Variants in RBSN observed in about 807,000 individuals in gnomAD.
RBSN encodes the protein rabenosyn, RAB effector, also known as rabenosyn-5.
Under a neutral mutation model 60.5 loss-of-function variants are expected in RBSN, and 34 were observed. The ratio of observed to expected loss-of-function variants is 0.56; its 90% confidence interval spans 0.43 to 0.75. RBSN has a LOEUF of 0.75. Ranked by LOEUF, RBSN falls within the 30% of genes least tolerant of loss-of-function variation. RBSN has a pLI of 0.00. For missense variants in RBSN, 845 were observed against 986.8 expected (o/e 0.86, Z 1.92); for synonymous variants, 322 against 366.9 (o/e 0.88, Z 1.40).
chr3:15,082,717 T>C lies in RBSN; in HGVS notation c.599-109A>G. On this transcript the variant is annotated intron_variant, in intron 8 of 13. Coordinates refer to ENST00000253699, the MANE Select transcript of RBSN (RefSeq NM_022340.4). This position sits in a 1 kb window ranked among gnomAD's most constrained non-coding sequence, Gnocchi z 4.2. ...GTGTTTGATTTGGAGAGTAATAAGATCAGGCTCCAGCTGTGGGCACGTACT... is the reference window on the plus strand; with the variant it reads ...GTGTTTGATTTGGAGAGTAATAAGACCAGGCTCCAGCTGTGGGCACGTACT... The C allele has an allele frequency of 6.8e-7, 1 of 1,470,630 alleles. No individual in the cohort carries two copies. The highest frequency in any genetic ancestry group is 2.5e-5 in the East Asian group (1 of 40,216). 91.1% of individuals were successfully genotyped at this position (1,470,630 alleles called of 1,614,324 possible). A position where few individuals can be genotyped will look rare whatever the true frequency, so the allele number is the denominator to read the frequency against.
In RBSN at chr3:15,070,345, AGTATCCTTAGT is replaced by A. The variant is rs1360704860; in HGVS notation, c.*3426_*3436del. On this transcript the variant is annotated 3_prime_UTR_variant, in exon 14 of 14. Coordinates refer to ENST00000253699, the MANE Select transcript of RBSN (RefSeq NM_022340.4). ...TATTGAGCTGCAAGTACAATGAGTA[AGTATCCTTAGT>A]GTATTAGACAGGGTAAATACAAACA... The A allele has an allele frequency of 6.6e-6, 1 of 152,668 alleles. No homozygotes were observed. The highest frequency in any genetic ancestry group is 1.5e-5 in the Non-Finnish European group (1 of 68,044). 9.5% of individuals were successfully genotyped at this position (152,668 alleles called of 1,614,324 possible).
Position 15,074,954 on chromosome 3 carries a change from G to C in RBSN, c.1207-24C>G, listed in dbSNP as rs1176766385. The C allele has an allele frequency of 1.3e-6, 2 of 1,582,126 alleles. No homozygotes were observed. The highest frequency in any genetic ancestry group is 2.2e-5 in the East Asian group (1 of 44,666). ...GCCTGGGGAGAGAGCAAAGCAGAGA[G>C]AAGAAACAGTCACTATGCTGGCAGC... On this transcript the variant is annotated intron_variant, in intron 13 of 13. Transcript: ENST00000253699. The surrounding 1 kb of genome is among the most constrained non-coding windows in gnomAD (Gnocchi z 6.4).
chr3:15,092,286 CAAGCCAAT>C (rs1687430120), intron 4 of RBSN, among the ~76,000 whole-genome samples: 1 of 151,106 alleles, frequency 6.6e-6, no homozygotes. Context: ...TTAAGACGGT[CAAGCCAAT>C]AAGCAAACTT....
In RBSN at chr3:15,073,713, C is replaced by A; in HGVS notation, c.*69G>T. 6.7e-7 allele frequency: 1 copy of A among 1,502,952 alleles called. No homozygotes were observed. The highest frequency in any genetic ancestry group is 1.3e-5 in the South Asian group (1 of 75,978). The allele number at this position is 1,502,952 out of a possible 1,614,324, so 93.1% of individuals were successfully genotyped here. ...CTGCCACCTTCCCCATCCATCCTGCCTGCCCTCTGTCCTGCTCCACTGGCT... is the reference window on the plus strand; with the variant it reads ...CTGCCACCTTCCCCATCCATCCTGCATGCCCTCTGTCCTGCTCCACTGGCT... On this transcript the variant is annotated 3_prime_UTR_variant, in exon 14 of 14. Transcript: ENST00000253699.
At chr3:15,095,510 T>C (rs915252966) in intron 4 of RBSN, among the ~76,000 whole-genome samples, 1 of 152,208 alleles carries the variant, frequency 6.6e-6, no homozygotes, top group Non-Finnish European at 1.5e-5. Context: ...TTTTCTGGGC[T>C]ATAGAGGGCA....
chr3:15,088,481 G>A (rs2043406938), intron 5 of RBSN, among the ~76,000 whole-genome samples: 1 of 151,996 alleles, frequency 6.6e-6, no homozygotes, highest in Non-Finnish European at 1.5e-5. Flanking sequence ...CTGGATTCAA[G>A]CAATTCTCCT....
intron 5 of RBSN, among the ~76,000 whole-genome samples, chr3:15,089,456 C>CAAAAAAAAAAAAAAAAAAA (rs757156425): frequency 1.2e-3 from 39 of 31,418 alleles, no homozygotes; most frequent in Non-Finnish European, 1.9e-3. Context: ...ACTCCATCTC[C>CAAAAAAAAAAAAAAAAAAA]AAAAAAAAAA....
chr3:15,093,915 G>C (rs1433038168), intron 4 of RBSN, among the ~76,000 whole-genome samples: 1 of 151,534 alleles, frequency 6.6e-6, no homozygotes, highest in African/African-American at 2.4e-5. Context: ...ATGTTGCCCA[G>C]GCTGGTATCA....
At position 15,074,524 on chromosome 3, in the gene RBSN, C is replaced by G. The variant is rs757785100; in HGVS notation, c.1613G>C (p.Arg538Pro). ...RELEREREQF[R>P]VASLHTRTRS... Reference sequence around the variant, plus strand: ...AGTCCGTGTGTGCAGGGATGCCACCCGAAACTGCTCCCTTTCTCGTTCCAA... The same window carrying G: ...AGTCCGTGTGTGCAGGGATGCCACCGGAAACTGCTCCCTTTCTCGTTCCAA... The change falls in exon 14 of 14, where the codon CGG becomes CCG. Residue 538 changes from arginine (R) to proline (P), a missense_variant. Physicochemically the swap from Arg to Pro is moderately radical, Grantham distance 103. Transcript: ENST00000253699. The surrounding 1 kb of genome is among the most constrained non-coding windows in gnomAD (Gnocchi z 6.4). 4.3e-6 allele frequency: 7 copies of G among 1,614,056 alleles called. No individual in the cohort carries two copies. The highest frequency in any genetic ancestry group is 5.1e-6 in the Non-Finnish European group (6 of 1,180,042).
At chr3:15,087,901 G>A (rs1303320294) in intron 5 of RBSN, among the ~76,000 whole-genome samples, 1 of 152,144 alleles carries the variant, frequency 6.6e-6, no homozygotes, top group African/African-American at 2.4e-5. Context: ...GTTTACAGGT[G>A]AGCCACCGCA....
rs1575105207 is a variant in RBSN at position 15,090,307 on chromosome 3, C to T, written c.289+92G>A. The T allele has an allele frequency of 3.6e-6, 5 of 1,403,162 alleles. 1 individual carries two copies. The highest frequency in any genetic ancestry group is 1.9e-4 in the Middle Eastern group (1 of 5,216). 86.9% of individuals were successfully genotyped at this position (1,403,162 alleles called of 1,614,324 possible). A position where few individuals can be genotyped will look rare whatever the true frequency, so the allele number is the denominator to read the frequency against. On this transcript the variant is annotated intron_variant, in intron 5 of 13. Coordinates refer to ENST00000253699, the MANE Select transcript of RBSN (RefSeq NM_022340.4). ...GAGAAGCTTAGACCATTATGGTTTACTGATGCCTCCTCAGCCAACTCTTAA... is the reference window on the plus strand; with the variant it reads ...GAGAAGCTTAGACCATTATGGTTTATTGATGCCTCCTCAGCCAACTCTTAA...
At chr3:15,085,325 G>A (rs1469305206) in intron 6 of RBSN, among the ~76,000 whole-genome samples, 4 of 152,116 alleles carry the variant, frequency 2.6e-5, no homozygotes, top group Non-Finnish European at 4.4e-5. Flanking sequence ...TAAGGGCAAC[G>A]ACTGAAAGCA....
At chr3:15,081,619 T>G (rs2043206249) in intron 9 of RBSN, 1 of 152,376 alleles carries the variant, frequency 6.6e-6, no homozygotes, top group South Asian at 2.1e-4. Context: ...CCTGCAGAAC[T>G]ACTAACAATG....
chr3:15,084,875 G>T lies in RBSN; in HGVS notation c.458C>A (p.Pro153His), dbSNP rs1435495121. ...KIRAIEKSVV[P>H]WVNDQDVPFC... ...AGGGACATCCTGGTCGTTGACCCAA[G>T]GCACCACAGACTTTTCTATTGCTTT... is the stretch of plus-strand genomic sequence containing the variant. Residue 153 changes from proline (P) to histidine (H), a missense_variant, in exon 8 of 14, where the codon CCT becomes CAT. Transcript: ENST00000253699. This position sits in a 1 kb window ranked among gnomAD's most constrained non-coding sequence, Gnocchi z 4.2. The T allele has an allele frequency of 6.2e-7, 1 of 1,613,884 alleles. No homozygotes were observed. The highest frequency in any genetic ancestry group is 1.3e-5 in the African/African-American group (1 of 75,030).
At chr3:15,086,437 G>C (rs150387764) in intron 5 of RBSN, among the ~76,000 whole-genome samples, 1 of 152,324 alleles carries the variant, frequency 6.6e-6, no homozygotes, top group Non-Finnish European at 1.5e-5. Flanking sequence ...TAAGAGCATG[G>C]ACTCTGGAGT....
At chr3:15,089,755 C>G (rs576706615) in intron 5 of RBSN, among the ~76,000 whole-genome samples, 1 of 151,852 alleles carries the variant, frequency 6.6e-6, no homozygotes, top group African/African-American at 2.4e-5. Flanking sequence ...GGACTACAGG[C>G]GCCCGCCACC....
At chr3:15,085,817 A>C in intron 6 of RBSN, 44 bp downstream of exon 6, 2 of 1,463,124 alleles carry the variant, frequency 1.4e-6, no homozygotes, top group South Asian at 1.1e-5. Context: ...TCCCCAGAAA[A>C]TGTGTATTTG....
intron 4 of RBSN, among the ~76,000 whole-genome samples, chr3:15,093,394 A>T (rs1351463113): frequency 1.3e-5 from 2 of 152,202 alleles, no homozygotes; most frequent in Non-Finnish European, 2.9e-5. Context: ...GGTGGGAAAT[A>T]AAGGGAAAAA....
In RBSN at chr3:15,073,814, T is replaced by G; in HGVS notation, c.2323A>C (p.Thr775Pro). 1 of 1,610,556 alleles carries G rather than the reference T, an allele frequency of 6.2e-7. No individual in the cohort carries two copies. Among genetic ancestry groups the G allele is most frequent in the East Asian group, 2.2e-5 (1 of 44,868 alleles). Reference sequence around the variant, plus strand: ...GTGCCCCCCTTCTGCTTGGCCAGGGTGTGCTTCAGCTCCCGCAGATTCTCT... The same window carrying G: ...GTGCCCCCCTTCTGCTTGGCCAGGGGGTGCTTCAGCTCCCGCAGATTCTCT... Reference protein sequence around the residue: ...LTENLRELKHTLAKQKGGTD With the variant: ...LTENLRELKHPLAKQKGGTD The change falls in exon 14 of 14, where the codon ACC becomes CCC. Residue 775 changes from threonine to proline, a missense_variant. Coordinates refer to ENST00000253699, the MANE Select transcript of RBSN (RefSeq NM_022340.4).
Sources: gnomAD v4.1 joint callset for allele counts (sites outside exome capture counted in the v4.1 genomes callset) on GRCh38, gnomAD v4.1.1 for gene constraint, Gnocchi (gnomAD v3.1) non-coding constraint, MANE v1.5 for transcripts, NCBI Gene and HGNC (gene_info 2026-07-23, HGNC 2026-07-21) for gene names.